USP32: variants seen among roughly 807,000 people sequenced by gnomAD.
The protein encoded by USP32 is ubiquitin specific peptidase 32, also known as ubiquitin carboxyl-terminal hydrolase 32.
A neutral mutation model predicts 204.8 loss-of-function variants in USP32; 59 were observed. That is an observed-to-expected ratio of 0.29 (90% CI 0.23 to 0.36). The LOEUF (loss-of-function observed/expected upper bound fraction) is 0.36. USP32 is among the 10% of genes least tolerant of loss of function. The pLI, the probability that USP32 is intolerant of heterozygous loss-of-function variation, is 1.00. For missense variants in USP32, 1,160 were observed against 1,946.4 expected (o/e 0.60, Z 7.60); for synonymous variants, 517 against 678.4 (o/e 0.76, Z 3.70).
intron 2 of USP32, among the ~76,000 whole-genome samples, chr17:60,320,928 G>C (rs1031650650): frequency 2.0e-5 from 3 of 152,132 alleles, no homozygotes; most frequent in African/African-American, 7.2e-5. Context: ...TATGGTCCTA[G>C]GAGAATGGGA....
chr17:60,353,212 T>C (rs1440331384), intron 1 of USP32, among the ~76,000 whole-genome samples: 3 of 151,964 alleles, frequency 2.0e-5, no homozygotes, highest in Non-Finnish European at 4.4e-5. Context: ...AAGCGCAACA[T>C]AGGCACAGAG....
rs1327427845 is a variant in USP32 at position 60,349,597 on chromosome 17, ATATATATATATATATATATAT to A, written c.59-4010_59-3990del. 3.8e-3 allele frequency among the ~76,000 whole-genome samples: 148 copies of A among 38,510 alleles called. 3 individuals carry two copies. Among genetic ancestry groups the A allele is most frequent in the Non-Finnish European group, 3.5e-3 (77 of 22,186 alleles). The allele number at this position is 38,510 out of a possible 152,430, so 25.3% of individuals were successfully genotyped here. A position where few individuals can be genotyped will look rare whatever the true frequency, so the allele number is the denominator to read the frequency against. ...TCAAAAGAAAAAAAAAAAAAAAAAA[ATATATATATATATATATATAT>A]ATATATTATATATATATATATATAT... On this transcript the variant is annotated intron_variant, in intron 1 of 33. Coordinates refer to ENST00000300896, the MANE Select transcript of USP32 (RefSeq NM_032582.4).
intron 2 of USP32, among the ~76,000 whole-genome samples, chr17:60,311,769 G>C (rs1322892587): frequency 6.6e-6 from 1 of 152,170 alleles, no homozygotes; most frequent in Admixed American, 6.5e-5. Flanking sequence ...ACGTTGCAGT[G>C]AGCTGAGACT....
At chr17:60,240,493 GGAGAGAGA>G (rs60249054) in intron 11 of USP32, among the ~76,000 whole-genome samples, 2 of 146,354 alleles carry the variant, frequency 1.4e-5, no homozygotes, top group Non-Finnish European at 3.0e-5. Flanking sequence ...GAGAAAAAAG[GGAGAGAGA>G]GAGAGAGAGA....
intron 3 of USP32, among the ~76,000 whole-genome samples, chr17:60,298,966 A>G (rs2087505925): frequency 6.6e-6 from 1 of 152,186 alleles, no homozygotes; most frequent in Non-Finnish European, 1.5e-5. Context: ...CTACAAAAAC[A>G]AAATAAAGAA....
In USP32 at chr17:60,391,992, C is replaced by A; in HGVS notation, c.-53G>T. On this transcript the variant is annotated 5_prime_UTR_variant, in exon 1 of 34. Transcript: ENST00000300896. Reference sequence around the variant, plus strand: ...CGGAGCCTGATCTCGCCCCCACCCCCCTCCCGCCTTCTCCTCGGCGTCCCT... The same window carrying A: ...CGGAGCCTGATCTCGCCCCCACCCCACTCCCGCCTTCTCCTCGGCGTCCCT... The A allele has an allele frequency of 1.3e-6, 2 of 1,570,230 alleles. No homozygotes were observed. The highest frequency in any genetic ancestry group is 1.7e-6 in the Non-Finnish European group (2 of 1,156,388).
intron 4 of USP32, among the ~76,000 whole-genome samples, chr17:60,290,757 GA>G (rs879454718): frequency 3.6e-4 from 52 of 144,776 alleles, no homozygotes; most frequent in South Asian, 1.1e-3. Flanking sequence ...TGGCCACTGG[GA>G]AAAAAAAAAA....
intron 3 of USP32, among the ~76,000 whole-genome samples, chr17:60,299,182 A>T (rs1004258073): frequency 2.8e-4 from 43 of 152,204 alleles, no homozygotes; most frequent in African/African-American, 9.2e-4. Flanking sequence ...ACGTATCAAA[A>T]TATATACTTT....
intron 1 of USP32, among the ~76,000 whole-genome samples, chr17:60,350,805 C>T (rs2088929584): frequency 6.6e-6 from 1 of 152,026 alleles, no homozygotes; most frequent in African/African-American, 2.4e-5. Flanking sequence ...GTACCCTACT[C>T]GGGTGATGGG....
intron 30 of USP32, among the ~76,000 whole-genome samples, chr17:60,184,124 AAAATAAATAAAT>A (rs1050036078): frequency 1.3e-5 from 2 of 151,394 alleles, no homozygotes; most frequent in African/African-American, 4.9e-5. Flanking sequence ...ATCTCTACTA[AAAATAAATAAAT>A]AAATAAATAA....
intron 27 of USP32, among the ~76,000 whole-genome samples, chr17:60,197,465 A>G (rs1042327885): frequency 1.3e-5 from 2 of 151,860 alleles, no homozygotes; most frequent in Non-Finnish European, 2.9e-5. Context: ...TTAGCCAGGC[A>G]TGGTGGTGCA....
intron 1 of USP32, among the ~76,000 whole-genome samples, chr17:60,409,842 A>C (rs1036048729): frequency 2.3e-4 from 35 of 152,214 alleles, no homozygotes; most frequent in African/African-American, 8.0e-4. Flanking sequence ...AAGCTTAAAA[A>C]AATCACAAAA....
At chr17:60,265,622 T>A in intron 8 of USP32, 148 bp from the exon 9 acceptor site, 2 of 617,324 alleles carry the variant, frequency 3.2e-6, no homozygotes, top group Non-Finnish European at 5.5e-6. Flanking sequence ...TATCTCAAAC[T>A]CCTGGGCTAA....
intron 2 of USP32, among the ~76,000 whole-genome samples, chr17:60,306,614 G>A (rs1015880752): frequency 1.3e-5 from 2 of 151,862 alleles, no homozygotes; most frequent in East Asian, 3.9e-4. Flanking sequence ...CTCCAGCCTG[G>A]GCAACAGAGC....
intron 1 of USP32, among the ~76,000 whole-genome samples, chr17:60,402,618 A>G (rs2089944905): frequency 6.6e-6 from 1 of 152,184 alleles, no homozygotes; most frequent in African/African-American, 2.4e-5. Context: ...AGTATGCATT[A>G]CTTTGCTTAC....
At position 60,266,051 on chromosome 17, in the gene USP32, G is replaced by C. The variant is rs2086582770; in HGVS notation, c.852C>G (p.Leu284=). 2 of 1,613,934 alleles carry C rather than the reference G, an allele frequency of 1.2e-6. No homozygotes were observed. Among genetic ancestry groups the C allele is most frequent in the Admixed American group, 1.7e-5 (1 of 60,004 alleles). The change falls in exon 8 of 34, where the codon CTC becomes CTG. Residue 284 remains leucine, a synonymous_variant. Coordinates refer to ENST00000300896, the MANE Select transcript of USP32 (RefSeq NM_032582.4). ...CCATGTCTCTCAGTTCAACCCTGGA[G>C]AGAACTCCATCACGGTCAACATCAA... is the stretch of plus-strand genomic sequence containing the variant. The part of the protein sequence containing the change: ...KVFDVDRDGV[L]SRVELRDMVV...
At chr17:60,288,113 CAAAAAA>C (rs1045323566) in intron 5 of USP32, among the ~76,000 whole-genome samples, 10 of 29,456 alleles carry the variant, frequency 3.4e-4, no homozygotes, top group African/African-American at 6.6e-4. Flanking sequence ...GACTTCGTCT[CAAAAAA>C]AAAAAAAAAA....
chr17:60,349,596 AATATATATATAT>A (rs1187939098), intron 1 of USP32, among the ~76,000 whole-genome samples: 1 of 65,202 alleles, frequency 1.5e-5, no homozygotes, highest in South Asian at 5.4e-4. Context: ...AAAAAAAAAA[AATATATATATAT>A]ATATATATAT....
At chr17:60,217,050 TAAGTA>T (rs1185591904) in intron 16 of USP32, among the ~76,000 whole-genome samples, 2 of 152,302 alleles carry the variant, frequency 1.3e-5, no homozygotes, top group East Asian at 1.9e-4. Context: ...CAGAAGCATA[TAAGTA>T]TAGTATTCAA....
Sources: allele counts gnomAD v4.1 joint callset (sites outside exome capture counted in the v4.1 genomes callset), GRCh38; gene constraint gnomAD v4.1.1; transcripts MANE v1.5; gene names NCBI Gene and HGNC (gene_info 2026-07-23, HGNC 2026-07-21).